The following KCNG3 variants were observed in gnomAD, a reference collection of about 807,000 sequenced individuals.
KCNG3 encodes potassium voltage-gated channel modifier subfamily G member 3.
In KCNG3, 15 loss-of-function variants were observed where a neutral mutation model predicts 29.0. That is an observed-to-expected ratio of 0.52 (90% CI 0.35 to 0.80). The LOEUF is 0.80. Among genes scored for constraint, KCNG3 ranks in the 30% least tolerant of loss-of-function variants. KCNG3 has a pLI of 0.01. For synonymous variants in KCNG3, 322 were observed against 248.9 expected, an observed-to-expected ratio of 1.29 and a Z score of -2.76; for missense variants, 512 against 605.7, an observed-to-expected ratio of 0.85 and a Z score of 1.62.
At chr2:42,464,149 T>A (rs1271234823) in intron 1 of KCNG3, among the ~76,000 whole-genome samples, 1 of 152,218 alleles carries the variant, frequency 6.6e-6, no homozygotes, top group Non-Finnish European at 1.5e-5. Flanking sequence ...AGGTAACTAA[T>A]GTGTCCAGTG....
At chr2:42,393,387 C>A in the KCNG3 span, among the ~76,000 whole-genome samples, 1 of 151,886 alleles carries the variant, frequency 6.6e-6, no homozygotes, top group Non-Finnish European at 1.5e-5. Context: ...ATGGTGAAAC[C>A]CTGTCTCTGC....
chr2:42,475,614 G>A (rs1185157887), intron 1 of KCNG3, among the ~76,000 whole-genome samples: 1 of 149,316 alleles, frequency 6.7e-6, no homozygotes, highest in Non-Finnish European at 1.5e-5. Context: ...ACAGGCATGA[G>A]CTGCTGCGCC....
chr2:42,428,279 G>A, the KCNG3 span, among the ~76,000 whole-genome samples: 1 of 151,400 alleles, frequency 6.6e-6, no homozygotes, highest in South Asian at 2.1e-4. Flanking sequence ...GGCCAACATG[G>A]TGAAACCCCA....
At chr2:42,395,318 C>T in the KCNG3 span, among the ~76,000 whole-genome samples, 2 of 152,288 alleles carry the variant, frequency 1.3e-5, no homozygotes, top group South Asian at 2.1e-4. Flanking sequence ...ACACAGCACT[C>T]CCTTTTACAG....
At chr2:42,424,511 T>C in the KCNG3 span, among the ~76,000 whole-genome samples, 1 of 152,056 alleles carries the variant, frequency 6.6e-6, no homozygotes, top group Non-Finnish European at 1.5e-5. Context: ...CACTGGCTCT[T>C]AATTCTTTTA....
the KCNG3 span, among the ~76,000 whole-genome samples, chr2:42,426,885 T>A: frequency 1.3e-5 from 2 of 152,206 alleles, no homozygotes; most frequent in African/African-American, 4.8e-5. Context: ...TACATAGCAA[T>A]TTATCCACTG....
chr2:42,461,794 T>C lies in KCNG3; in HGVS notation c.666-17215A>G, dbSNP rs116754001. ...CCTTTTTATTTAACTGGCAGTTCAT[T>C]AGTAAAAGAATTATGAGACTAGAAA... On this transcript the variant is annotated intron_variant, in intron 1 of 1. Transcript: ENST00000306078. Among the ~76,000 whole-genome samples, 972 of 152,312 alleles carry C rather than the reference T, an allele frequency of 6.4e-3. 14 individuals are homozygous for C. Among genetic ancestry groups the C allele is most frequent in the African/African-American group, 0.022 (921 of 41,564 alleles).
At chr2:42,418,819 T>C in the KCNG3 span, among the ~76,000 whole-genome samples, 3 of 152,204 alleles carry the variant, frequency 2.0e-5, no homozygotes, top group African/African-American at 7.2e-5. Flanking sequence ...AGAGTAGTTA[T>C]TAAAAATTAA....
chr2:42,461,051 C>G (rs1673003700), intron 1 of KCNG3, among the ~76,000 whole-genome samples: 2 of 151,718 alleles, frequency 1.3e-5, no homozygotes, highest in Admixed American at 1.3e-4. Flanking sequence ...GTCCCAGCTA[C>G]TCGGGAGGCT....
In KCNG3 at chr2:42,492,824, C is replaced by G. The variant is rs753178274; in HGVS notation, c.665+13G>C. The G allele has an allele frequency of 6.8e-7, 1 of 1,467,596 alleles. No individual in the cohort carries two copies. The highest frequency in any genetic ancestry group is 1.5e-5 in the South Asian group (1 of 68,592). The allele number at this position is 1,467,596 out of a possible 1,614,324, so 90.9% of individuals were successfully genotyped here. A position where few individuals can be genotyped will look rare whatever the true frequency, so the allele number is the denominator to read the frequency against. ...AGGACGGACGGGACGGGTAGAGAAGCAGTGCGTCCTACCCGGAGGGCTCCC... is the reference window on the plus strand; with the variant it reads ...AGGACGGACGGGACGGGTAGAGAAGGAGTGCGTCCTACCCGGAGGGCTCCC... On this transcript the variant is annotated intron_variant, in intron 1 of 1. Transcript: ENST00000306078.
At chr2:42,392,664 T>A in the KCNG3 span, among the ~76,000 whole-genome samples, 1 of 151,900 alleles carries the variant, frequency 6.6e-6, no homozygotes, top group African/African-American at 2.4e-5. Flanking sequence ...TAGGGCTTTA[T>A]AAAGCAGGGA....
At chr2:42,482,755 G>A (rs1673620763) in intron 1 of KCNG3, among the ~76,000 whole-genome samples, 1 of 151,940 alleles carries the variant, frequency 6.6e-6, no homozygotes, top group Non-Finnish European at 1.5e-5. Context: ...CACTCTAGAT[G>A]GTGACGGTTG....
At chr2:42,445,290 T>C (rs1229191364) in intron 1 of KCNG3, among the ~76,000 whole-genome samples, 1 of 152,156 alleles carries the variant, frequency 6.6e-6, no homozygotes, top group East Asian at 1.9e-4. Flanking sequence ...CTGAGGTGGA[T>C]TGGAAGGGCA....
chr2:42,463,981 G>A (rs992046143), intron 1 of KCNG3: 9 of 308,206 alleles, frequency 2.9e-5, no homozygotes, highest in African/African-American at 1.1e-4. Flanking sequence ...ATCAGCGTAC[G>A]TGGGAGGCTT....
chr2:42,422,707 A>G, the KCNG3 span, among the ~76,000 whole-genome samples: 3 of 152,192 alleles, frequency 2.0e-5, no homozygotes, highest in Non-Finnish European at 4.4e-5. Flanking sequence ...CTCAGGGTTT[A>G]ATATGGATGA....
chr2:42,404,426 T>C, the KCNG3 span, among the ~76,000 whole-genome samples: 1 of 152,138 alleles, frequency 6.6e-6, no homozygotes, highest in African/African-American at 2.4e-5. Context: ...CTGCCAAGTA[T>C]GGCACCATTA....
At chr2:42,394,935 T>C in the KCNG3 span, among the ~76,000 whole-genome samples, 1 of 152,206 alleles carries the variant, frequency 6.6e-6, no homozygotes, top group Non-Finnish European at 1.5e-5. Flanking sequence ...AAATTCTCCT[T>C]GGTGTAGTAC....
intron 1 of KCNG3, among the ~76,000 whole-genome samples, chr2:42,453,929 CCA>C (rs1672820889): frequency 6.6e-6 from 1 of 151,888 alleles, no homozygotes; most frequent in African/African-American, 2.4e-5. Context: ...ATATGGATGT[CCA>C]GTTTTCCCAG....
chr2:42,462,542 C>G (rs946828172), intron 1 of KCNG3, among the ~76,000 whole-genome samples: 2 of 152,010 alleles, frequency 1.3e-5, no homozygotes, highest in African/African-American at 4.8e-5. Context: ...ATTAGCCGGG[C>G]GTGGTGGCAC....
Sources: gnomAD v4.1 joint callset for allele counts (sites outside exome capture counted in the v4.1 genomes callset) on GRCh38, gnomAD v4.1.1 for gene constraint, MANE v1.5 for transcripts, NCBI Gene and HGNC (gene_info 2026-07-23, HGNC 2026-07-21) for gene names.